Variants in SPOCK1 observed in about 807,000 individuals in gnomAD.
The protein encoded by SPOCK1 is SPARC (osteonectin), cwcv and kazal like domains proteoglycan 1, also known as testican-1.
A neutral mutation model predicts 55.3 loss-of-function variants in SPOCK1; 23 were observed. That is an observed-to-expected ratio of 0.42 (90% CI 0.30 to 0.59). The LOEUF is 0.59. SPOCK1 is among the 20% of genes least tolerant of loss of function. SPOCK1 has a pLI of 0.22. For synonymous variants in SPOCK1, 226 were observed against 221.0 expected (o/e 1.02, Z -0.20); for missense variants, 499 against 552.5 (o/e 0.90, Z 0.97).
chr5:137,334,840 A>G (rs554305729), intron 2 of SPOCK1, among the ~76,000 whole-genome samples: 2 of 138,086 alleles, frequency 1.4e-5, no homozygotes, highest in Admixed American at 1.4e-4. Context: ...GTGGTTCCCA[A>G]TGCAATGAAA....
At chr5:137,094,192 G>A (rs990391298) in intron 5 of SPOCK1, among the ~76,000 whole-genome samples, 21 of 152,134 alleles carry the variant, frequency 1.4e-4, no homozygotes, top group Non-Finnish European at 2.5e-4. Flanking sequence ...CAGATTGGGG[G>A]AAACACTGGG....
intron 3 of SPOCK1, among the ~76,000 whole-genome samples, chr5:137,144,442 G>A (rs1434656): frequency 0.85 from 128,900 of 152,234 alleles, 54,743 homozygotes; most frequent in Middle Eastern, 0.91. Flanking sequence ...ATCAATTACT[G>A]GGGTCTGAAT....
chr5:137,281,650 G>C (rs953956615), intron 2 of SPOCK1, among the ~76,000 whole-genome samples: 1 of 152,218 alleles, frequency 6.6e-6, no homozygotes, highest in Non-Finnish European at 1.5e-5. Flanking sequence ...GACAGCTCCT[G>C]CAAAAGATCC....
intron 5 of SPOCK1, among the ~76,000 whole-genome samples, chr5:137,091,756 C>A (rs1046924171): frequency 1.3e-5 from 2 of 152,138 alleles, no homozygotes; most frequent in African/African-American, 4.8e-5. Flanking sequence ...GGGCACAAAG[C>A]CTGGAACCAA....
chr5:137,025,282 G>A (rs1751653263), intron 6 of SPOCK1, among the ~76,000 whole-genome samples: 1 of 152,066 alleles, frequency 6.6e-6, no homozygotes, highest in Non-Finnish European at 1.5e-5. Context: ...TATCTCACCT[G>A]TGATGCTGCC....
At chr5:137,113,310 T>G (rs1753510270) in intron 4 of SPOCK1, among the ~76,000 whole-genome samples, 1 of 152,220 alleles carries the variant, frequency 6.6e-6, no homozygotes, top group Non-Finnish European at 1.5e-5. Flanking sequence ...CTGCAGTTAC[T>G]GCCACCCTTC....
At chr5:137,478,472 G>A (rs1482363361) in intron 2 of SPOCK1, among the ~76,000 whole-genome samples, 1 of 152,100 alleles carries the variant, frequency 6.6e-6, no homozygotes, top group Non-Finnish European at 1.5e-5. Flanking sequence ...GAGACATTCA[G>A]ATTTGAAATA....
chr5:137,257,175 A>T (rs1756651582), intron 3 of SPOCK1, among the ~76,000 whole-genome samples: 1 of 152,210 alleles, frequency 6.6e-6, no homozygotes, highest in Non-Finnish European at 1.5e-5. Flanking sequence ...GACTTGAGAG[A>T]CAAAGGGAAA....
intron 2 of SPOCK1, among the ~76,000 whole-genome samples, chr5:137,296,627 A>G (rs1757491248): frequency 6.6e-6 from 1 of 152,250 alleles, no homozygotes; most frequent in Admixed American, 6.5e-5. Flanking sequence ...TGCAGGCCTC[A>G]TAAGTAAATA....
At chr5:137,294,231 T>C (rs1389084757) in intron 2 of SPOCK1, among the ~76,000 whole-genome samples, 1 of 152,146 alleles carries the variant, frequency 6.6e-6, no homozygotes, top group Admixed American at 6.5e-5. Flanking sequence ...GAAAAAATAA[T>C]TGAGAGTTAG....
intron 2 of SPOCK1, among the ~76,000 whole-genome samples, chr5:137,367,814 G>T (rs187772856): frequency 7.9e-4 from 120 of 152,346 alleles, no homozygotes; most frequent in African/African-American, 2.9e-3. Flanking sequence ...AAGTTCTTGG[G>T]ATGCTAACAT....
intron 2 of SPOCK1, among the ~76,000 whole-genome samples, chr5:137,455,438 C>A (rs1437050923): frequency 6.6e-6 from 1 of 152,146 alleles, no homozygotes; most frequent in Non-Finnish European, 1.5e-5. Context: ...TCGAGCATGT[C>A]TCCTAGGAGA....
chr5:137,462,269 G>A (rs1478414024), intron 2 of SPOCK1, among the ~76,000 whole-genome samples: 4 of 152,260 alleles, frequency 2.6e-5, no homozygotes, highest in Middle Eastern at 6.8e-3. Flanking sequence ...TGACAGCCAG[G>A]ATCCAGAAAG....
intron 2 of SPOCK1, among the ~76,000 whole-genome samples, chr5:137,414,577 C>G (rs1423452104): frequency 6.6e-6 from 1 of 152,144 alleles, no homozygotes; most frequent in Admixed American, 6.5e-5. Context: ...GGAAGACATT[C>G]ACTTGCTGGG....
At chr5:137,369,906 A>G (rs1751160245) in intron 2 of SPOCK1, among the ~76,000 whole-genome samples, 1 of 152,170 alleles carries the variant, frequency 6.6e-6, no homozygotes, top group African/African-American at 2.4e-5. Flanking sequence ...ATCTCCAAAT[A>G]CCATCACACT....
intron 2 of SPOCK1, among the ~76,000 whole-genome samples, chr5:137,417,494 A>AC (rs1020258766): frequency 1.3e-5 from 2 of 152,124 alleles, no homozygotes; most frequent in South Asian, 4.1e-4. Context: ...CATTTCCATT[A>AC]CCCCAAACAG....
intron 3 of SPOCK1, among the ~76,000 whole-genome samples, chr5:137,155,594 C>T (rs1207966453): frequency 6.6e-6 from 1 of 152,220 alleles, no homozygotes; most frequent in East Asian, 1.9e-4. Flanking sequence ...CTTCCCCATG[C>T]AAATGTGTAA....
chr5:136,982,990 T>G (rs1750761882), intron 9 of SPOCK1, among the ~76,000 whole-genome samples: 2 of 152,156 alleles, frequency 1.3e-5, no homozygotes, highest in African/African-American at 4.8e-5. Flanking sequence ...TAATCTTTAT[T>G]TATAATAGTT....
At chr5:137,490,787 T>C (rs1754160424) in intron 2 of SPOCK1, among the ~76,000 whole-genome samples, 1 of 152,108 alleles carries the variant, frequency 6.6e-6, no homozygotes. Context: ...ATATAAAATA[T>C]GATGGCAAGG....
Sources: allele counts gnomAD v4.1 joint callset (sites outside exome capture counted in the v4.1 genomes callset), GRCh38; gene constraint gnomAD v4.1.1; transcripts MANE v1.5; gene names NCBI Gene and HGNC (gene_info 2026-07-23, HGNC 2026-07-21).